Variants in PDLIM3 observed in about 807,000 individuals in gnomAD.
PDLIM3 encodes the protein PDZ and LIM domain 3, also known as PDZ and LIM domain protein 3.
A neutral mutation model predicts 37.3 loss-of-function variants in PDLIM3; 36 were observed. The observed-to-expected ratio is 0.97, with a 90% CI of 0.74 to 1.28. The LOEUF (loss-of-function observed/expected upper bound fraction) is 1.28, where lower values mean the gene tolerates loss of function less well. Among genes scored for constraint, PDLIM3 ranks in the 50% most tolerant of loss-of-function variants. PDLIM3 has a pLI of 0.00. For synonymous variants in PDLIM3, 174 were observed against 182.4 expected (o/e 0.95, Z 0.37); for missense variants, 454 against 485.0 (o/e 0.94, Z 0.60).
chr4:185,502,281 C>G lies in PDLIM3; in HGVS notation c.*13G>C, dbSNP rs778200293. ...TGGGTGGGTGCGTGCGTGCGTGCCACGCCTGCAGAGACTTAAGCTTTGGGA... is the reference window on the plus strand; with the variant it reads ...TGGGTGGGTGCGTGCGTGCGTGCCAGGCCTGCAGAGACTTAAGCTTTGGGA... On this transcript the variant is annotated 3_prime_UTR_variant, in exon 8 of 8. Coordinates refer to ENST00000284767, the MANE Select transcript of PDLIM3 (RefSeq NM_014476.6). 6.2e-7 allele frequency: 1 copy of G among 1,613,718 alleles called. No individual in the cohort carries two copies. The highest frequency in any genetic ancestry group is 2.2e-5 in the East Asian group (1 of 44,882).
chr4:185,527,804 C>T (rs1052930887), intron 1 of PDLIM3, among the ~76,000 whole-genome samples: 1 of 152,134 alleles, frequency 6.6e-6, no homozygotes, highest in Non-Finnish European at 1.5e-5. Context: ...AATCCCAGTG[C>T]TTTGGGAGGC....
At chr4:185,524,039 ACT>A (rs2095728278) in intron 2 of PDLIM3, among the ~76,000 whole-genome samples, 1 of 151,234 alleles carries the variant, frequency 6.6e-6, no homozygotes, top group Non-Finnish European at 1.5e-5. Context: ...GGAGAGGGAG[ACT>A]CTGCAGGCAC....
Position 185,514,003 on chromosome 4 carries a change from C to G in PDLIM3, c.398+267G>C. ...GGTCACAGTGTTCTGGATGGGATCC[C>G]CAGAGCCTCAGGGGTGTTCGCTATA... On this transcript the variant is annotated intron_variant, in intron 4 of 7. Transcript: ENST00000284767. The surrounding 1 kb of genome is among the most constrained non-coding windows in gnomAD (Gnocchi z 4.0). The G allele has an allele frequency of 7.6e-7, 1 of 1,321,056 alleles. No homozygotes were observed. Among genetic ancestry groups the G allele is most frequent in the African/African-American group, 1.5e-5 (1 of 66,792 alleles). 81.8% of individuals were successfully genotyped at this position (1,321,056 alleles called of 1,614,324 possible).
chr4:185,526,044 G>T (rs1372049780), intron 1 of PDLIM3, among the ~76,000 whole-genome samples: 1 of 152,168 alleles, frequency 6.6e-6, no homozygotes, highest in Non-Finnish European at 1.5e-5. Flanking sequence ...AAGTCACAGG[G>T]CAATAAACTT....
Position 185,521,734 on chromosome 4 carries a change from G to C in PDLIM3, c.330+1628C>G, listed in dbSNP as rs1322424349. ...TACTTTCCATGCAACAGCTGAGAGT[G>C]ATGGCAGAACACCATTTTGAGAACT... is the stretch of plus-strand genomic sequence containing the variant. On this transcript the variant is annotated intron_variant, in intron 3 of 7. Coordinates refer to ENST00000284767, the MANE Select transcript of PDLIM3 (RefSeq NM_014476.6). 4.1e-4 allele frequency among the ~76,000 whole-genome samples: 27 copies of C among 65,956 alleles called. 3 individuals carry two copies. The highest frequency in any genetic ancestry group is 7.4e-4 in the African/African-American group (27 of 36,352). 43.3% of individuals were successfully genotyped at this position (65,956 alleles called of 152,430 possible).
In PDLIM3 at chr4:185,506,661, C is replaced by A. The variant is rs1033860707; in HGVS notation, c.663-9G>T. 6.2e-7 allele frequency: 1 copy of A among 1,602,608 alleles called. No individual in the cohort carries two copies. Among genetic ancestry groups the A allele is most frequent in the Admixed American group, 1.7e-5 (1 of 60,008 alleles). On this transcript the variant is annotated splice_polypyrimidine_tract_variant and intron_variant, in intron 5 of 7. Coordinates refer to ENST00000284767, the MANE Select transcript of PDLIM3 (RefSeq NM_014476.6). The stretch of plus-strand genomic sequence containing the variant: ...CCGAGGCTGTGGGCTCGCTGAAACA[C>A]AGGCACGGCGGGGAGCATCGTCAGG...
At chr4:185,511,101 G>C (rs906847872) in intron 4 of PDLIM3, among the ~76,000 whole-genome samples, 3 of 152,144 alleles carry the variant, frequency 2.0e-5, no homozygotes, top group Non-Finnish European at 4.4e-5. Context: ...TAATTTCTCT[G>C]GGGTGTGTAC....
At position 185,501,349 on chromosome 4, in the gene PDLIM3, C is replaced by T. The variant is rs987502991; in HGVS notation, c.*945G>A. On this transcript the variant is annotated 3_prime_UTR_variant, in exon 8 of 8. Transcript: ENST00000284767. Reference sequence around the variant, plus strand: ...CAGGACCCCAGGAGACCAGCAGCCCCTGCCTTCCTTAGGAAGTCGTCTAAA... The same window carrying T: ...CAGGACCCCAGGAGACCAGCAGCCCTTGCCTTCCTTAGGAAGTCGTCTAAA... 7 of 152,318 alleles carry T rather than the reference C, an allele frequency of 4.6e-5. No individual in the cohort carries two copies. Among genetic ancestry groups the T allele is most frequent in the Non-Finnish European group, 8.8e-5 (6 of 68,134 alleles). 9.4% of individuals were successfully genotyped at this position (152,318 alleles called of 1,614,324 possible).
chr4:185,513,674 G>A, intron 4 of PDLIM3: 2 of 993,996 alleles, frequency 2.0e-6, no homozygotes, highest in Non-Finnish European at 2.4e-6. Context: ...TGGGCTGACT[G>A]GCTTAGCTGA....
intron 2 of PDLIM3, 113 bp from the exon 3 acceptor site, chr4:185,523,559 G>A (rs1236063545): frequency 1.2e-5 from 7 of 576,230 alleles, no homozygotes; most frequent in African/African-American, 2.8e-5. Flanking sequence ...ACTAACTTAT[G>A]CAAAAACAAT....
At chr4:185,508,893 C>T (rs1160459644) in intron 4 of PDLIM3, among the ~76,000 whole-genome samples, 1 of 152,216 alleles carries the variant, frequency 6.6e-6, no homozygotes, top group African/African-American at 2.4e-5. Context: ...CAGCTATCCT[C>T]ACTTTTTAAA....
chr4:185,524,760 T>C (rs2095729935), intron 2 of PDLIM3, among the ~76,000 whole-genome samples: 1 of 152,234 alleles, frequency 6.6e-6, no homozygotes, highest in Non-Finnish European at 1.5e-5. Context: ...TCATAGTTAA[T>C]TAACCGGGTT....
At chr4:185,515,765 T>TCA (rs1166507738) in intron 3 of PDLIM3, 1 of 152,140 alleles carries the variant, frequency 6.6e-6, no homozygotes, top group Non-Finnish European at 1.5e-5. Context: ...AACGTGGGAA[T>TCA]CATGTTTTCC....
chr4:185,501,944 G>A lies in PDLIM3; in HGVS notation c.*350C>T, dbSNP rs1050575057. On this transcript the variant is annotated 3_prime_UTR_variant, in exon 8 of 8. Transcript: ENST00000284767. ...TTTACCACAATTGCAAAATCAACTT[G>A]TCAAGGAAAGACAATTAGAGTCCTT... 1.2e-5 allele frequency: 4 copies of A among 340,426 alleles called. No individual in the cohort carries two copies. Among genetic ancestry groups the A allele is most frequent in the Admixed American group, 4.4e-5 (1 of 22,824 alleles). 21.1% of individuals were successfully genotyped at this position (340,426 alleles called of 1,614,324 possible).
rs200273032 is a variant in PDLIM3 at position 185,502,463 on chromosome 4, C to T, written c.926G>A (p.Arg309Gln). 67 of 1,614,128 alleles carry T rather than the reference C, an allele frequency of 4.2e-5. 1 individual carries two copies. In the South Asian group the frequency reaches 4.8e-4, roughly 12 times the overall value. Residue 309 changes from arginine to glutamine, a missense_variant, in exon 8 of 8, where the codon CGG becomes CAG. Arg to Gln is a conservative substitution (Grantham distance 43). Coordinates refer to ENST00000284767, the MANE Select transcript of PDLIM3 (RefSeq NM_014476.6). The stretch of plus-strand genomic sequence containing the variant: ...GCACTCAGGGTGCCGGTACTTATCC[C>T]GCGCCTTCACCACAGCACCGCTGTT... ...SGIVGAVVKA[R>Q]DKYRHPECFV...
At chr4:185,510,262 G>A (rs1370516522) in intron 4 of PDLIM3, among the ~76,000 whole-genome samples, 3 of 152,062 alleles carry the variant, frequency 2.0e-5, no homozygotes, top group South Asian at 4.1e-4. Flanking sequence ...GGGAGACTTC[G>A]GCCTCCCAGT....
chr4:185,503,109 A>T (rs971248611), intron 7 of PDLIM3, among the ~76,000 whole-genome samples: 1 of 152,206 alleles, frequency 6.6e-6, no homozygotes, highest in Admixed American at 6.5e-5. Context: ...CTGTAGTCCC[A>T]GCTACTCGGG....
At position 185,508,309 on chromosome 4, in the gene PDLIM3, G is replaced by T. The variant is rs150809809; in HGVS notation, c.652C>A (p.Pro218Thr). 6.2e-7 allele frequency: 1 copy of T among 1,614,024 alleles called. No homozygotes were observed. Among genetic ancestry groups the T allele is most frequent in the Non-Finnish European group, 8.5e-7 (1 of 1,179,944 alleles). ...GQVSTALGETPLMSEPTASVP... is the reference protein window; with the variant it reads ...GQVSTALGETTLMSEPTASVP... The stretch of plus-strand genomic sequence containing the variant: ...AGAGACTCATATTACCTCATCAAAG[G>T]TGTTTCCCCTAGGGCTGTTGAAACC... The change falls in exon 5 of 8, where the codon CCT (proline) becomes ACT (threonine). Residue 218 changes from proline (P) to threonine (T), a missense_variant. Coordinates refer to ENST00000284767, the MANE Select transcript of PDLIM3 (RefSeq NM_014476.6).
chr4:185,513,875 G>T (rs1027744988), intron 4 of PDLIM3: 4 of 1,163,400 alleles, frequency 3.4e-6, no homozygotes, highest in Non-Finnish European at 3.2e-6. Context: ...ATTCTGGCTT[G>T]TTCACCTGAT....
Sources: allele counts gnomAD v4.1 joint callset (sites outside exome capture counted in the v4.1 genomes callset), GRCh38; gene constraint gnomAD v4.1.1; non-coding constraint Gnocchi (gnomAD v3.1); transcripts MANE v1.5; gene names NCBI Gene and HGNC (gene_info 2026-07-23, HGNC 2026-07-21).